The following ZNF710 variants were observed in gnomAD, a reference collection of about 807,000 sequenced individuals.
ZNF710 encodes zinc finger protein 710.
A neutral mutation model predicts 50.6 loss-of-function variants in ZNF710; 13 were observed. That is an observed-to-expected ratio of 0.26 (90% CI 0.17 to 0.41). The LOEUF is 0.41. Among genes scored for constraint, ZNF710 ranks in the 10% least tolerant of loss-of-function variants. The pLI is 1.00. For missense variants in ZNF710, 721 were observed against 936.6 expected, an observed-to-expected ratio of 0.77 and a Z score of 3.01; for synonymous variants, 383 against 397.0, an observed-to-expected ratio of 0.96 and a Z score of 0.42.
intron 1 of ZNF710, among the ~76,000 whole-genome samples, chr15:90,020,563 T>G (rs1428815490): frequency 6.6e-6 from 1 of 152,172 alleles, no homozygotes; most frequent in African/African-American, 2.4e-5. Flanking sequence ...CCCAGCCCCT[T>G]GAGATGAGGG....
intron 1 of ZNF710, among the ~76,000 whole-genome samples, chr15:90,066,474 A>ATTTTTTTTTT (rs71461840): frequency 8.3e-6 from 1 of 120,522 alleles, no homozygotes; most frequent in Non-Finnish European, 1.7e-5. Context: ...ATTTTTAAGG[A>ATTTTTTTTTT]TTTTTTTTTT....
In ZNF710 at chr15:90,034,449, T is replaced by C. The variant is rs1462863149; in HGVS notation, c.-28-32661T>C. Among the ~76,000 whole-genome samples the C allele has an allele frequency of 2.7e-5, 4 of 150,766 alleles. No homozygotes were observed. The highest frequency in any genetic ancestry group is 5.9e-5 in the Non-Finnish European group (4 of 67,466). On this transcript the variant is annotated intron_variant, in intron 1 of 4. Transcript: ENST00000268154. The surrounding 1 kb of genome is among the most constrained non-coding windows in gnomAD (Gnocchi z 4.0). Reference sequence around the variant, plus strand: ...ATTCCTGTGTGTGTGTGTGTGTGTGTGTGTGTGTGTGTGTGTGTGTGTGTG... The same window carrying C: ...ATTCCTGTGTGTGTGTGTGTGTGTGCGTGTGTGTGTGTGTGTGTGTGTGTG...
intron 1 of ZNF710, among the ~76,000 whole-genome samples, chr15:90,021,723 C>G (rs60974380): frequency 0.019 from 2,917 of 152,220 alleles, 95 homozygotes; most frequent in African/African-American, 0.067. Flanking sequence ...TTCGAATGTG[C>G]TGGGGGCAGG....
intron 1 of ZNF710, among the ~76,000 whole-genome samples, chr15:90,016,571 A>C (rs552099627): frequency 1.2e-4 from 18 of 152,232 alleles, no homozygotes; most frequent in Middle Eastern, 3.4e-3. Flanking sequence ...CCTCCCAAGT[A>C]GCTGGGACTA....
intron 4 of ZNF710, among the ~76,000 whole-genome samples, chr15:90,077,435 G>A (rs970651073): frequency 1.3e-5 from 2 of 151,932 alleles, no homozygotes; most frequent in East Asian, 1.9e-4. Flanking sequence ...TAGTAGAGAC[G>A]GGGTTTCACG....
chr15:90,051,238 CA>C (rs61250352), intron 1 of ZNF710, among the ~76,000 whole-genome samples: 2,173 of 79,036 alleles, frequency 0.027, 45 homozygotes, highest in African/African-American at 0.083. Flanking sequence ...GACTCCGTCT[CA>C]AAAAAAAAAA....
In ZNF710 at chr15:90,081,747, C is replaced by T. The variant is rs1266348706; in HGVS notation, c.*1918C>T. Reference sequence around the variant, plus strand: ...AAAAGAACCCTGTACCTCTCCTCCTCCTCCTCCCTCCTGCCAGTGCAGTGG... The same window carrying T: ...AAAAGAACCCTGTACCTCTCCTCCTTCTCCTCCCTCCTGCCAGTGCAGTGG... On this transcript the variant is annotated 3_prime_UTR_variant, in exon 5 of 5. Coordinates refer to ENST00000268154, the MANE Select transcript of ZNF710 (RefSeq NM_198526.4). 1 of 152,464 alleles carries T rather than the reference C, an allele frequency of 6.6e-6. No homozygotes were observed. The highest frequency in any genetic ancestry group is 1.5e-5 in the Non-Finnish European group (1 of 68,188). The allele number at this position is 152,464 out of a possible 1,614,324, so 9.4% of individuals were successfully genotyped here.
upstream of ZNF710, among the ~76,000 whole-genome samples, chr15:89,999,231 C>T (rs1897966463): frequency 6.6e-6 from 1 of 151,230 alleles, no homozygotes; most frequent in East Asian, 1.9e-4. Flanking sequence ...TCACTCTTGC[C>T]TGTATCGCAT....
chr15:90,021,536 C>T (rs998671188), intron 1 of ZNF710, among the ~76,000 whole-genome samples: 2 of 152,210 alleles, frequency 1.3e-5, no homozygotes, highest in Non-Finnish European at 1.5e-5. Context: ...TCTGAAAAAT[C>T]GCCCTTTGTT....
intron 1 of ZNF710, among the ~76,000 whole-genome samples, 157 bp downstream of exon 1, chr15:90,001,771 G>A (rs1330809989): frequency 1.4e-5 from 2 of 146,044 alleles, no homozygotes; most frequent in Admixed American, 6.7e-5. Flanking sequence ...GCGCAGGCCC[G>A]CGCCGCGCTG....
chr15:90,072,555 C>G (rs1567244948), intron 2 of ZNF710, among the ~76,000 whole-genome samples: 1 of 152,066 alleles, frequency 6.6e-6, no homozygotes. Flanking sequence ...TCAAAAGGGT[C>G]TGAACCAAAA....
intron 1 of ZNF710, among the ~76,000 whole-genome samples, chr15:90,031,197 G>T (rs2151484814): frequency 6.6e-6 from 1 of 152,250 alleles, no homozygotes; most frequent in African/African-American, 2.4e-5. Context: ...GTTCATAAAT[G>T]AGAATAATAG....
intron 1 of ZNF710, among the ~76,000 whole-genome samples, chr15:90,043,785 GCCCTTTGTGTCTCTGC>G (rs563665132): frequency 8.8e-4 from 133 of 151,960 alleles, no homozygotes; most frequent in African/African-American, 3.1e-3. Context: ...TCTCTCCCCC[GCCCTTTGTGTCTCTGC>G]CTTCCTTCCC....
upstream of ZNF710, among the ~76,000 whole-genome samples, chr15:89,999,425 G>A (rs1166555360): frequency 6.6e-6 from 1 of 152,178 alleles, no homozygotes; most frequent in Non-Finnish European, 1.5e-5. Flanking sequence ...CTGCTTTTTT[G>A]GAGGATGCAG....
intron 2 of ZNF710, among the ~76,000 whole-genome samples, chr15:90,070,353 ATTTT>A (rs1232804909): frequency 7.2e-6 from 1 of 138,870 alleles, no homozygotes. Context: ...ATAGCAAGAC[ATTTT>A]TTTTTTTTTA....
chr15:90,016,477 T>G (rs1898458395), intron 1 of ZNF710, among the ~76,000 whole-genome samples: 1 of 152,224 alleles, frequency 6.6e-6, no homozygotes, highest in Non-Finnish European at 1.5e-5. Flanking sequence ...GGTCTCACTC[T>G]GTCACCCACG....
chr15:90,045,505 C>A, intron 1 of ZNF710: 4 of 716,938 alleles, frequency 5.6e-6, no homozygotes, highest in Non-Finnish European at 6.8e-6. Context: ...GGAGTCCACT[C>A]AGGCCAAGGC....
intron 1 of ZNF710, among the ~76,000 whole-genome samples, chr15:90,045,674 T>C (rs1899437345): frequency 6.6e-6 from 1 of 152,136 alleles, no homozygotes; most frequent in South Asian, 2.1e-4. Flanking sequence ...AGAGGACAGC[T>C]GAGCTCTGGT....
intron 1 of ZNF710, among the ~76,000 whole-genome samples, chr15:90,003,884 G>A (rs1478483997): frequency 6.6e-6 from 1 of 152,102 alleles, no homozygotes; most frequent in Admixed American, 6.5e-5. Context: ...CCTGCATGAG[G>A]GCCGTGGGGA....
Sources: gnomAD v4.1 joint callset for allele counts (sites outside exome capture counted in the v4.1 genomes callset) on GRCh38, gnomAD v4.1.1 for gene constraint, Gnocchi (gnomAD v3.1) non-coding constraint, MANE v1.5 for transcripts, NCBI Gene and HGNC (gene_info 2026-07-23, HGNC 2026-07-21) for gene names.